ADAMTS3: variants seen among roughly 807,000 people sequenced by gnomAD.
ADAMTS3 encodes the protein ADAM metallopeptidase with thrombospondin type 1 motif 3, also known as A disintegrin and metalloproteinase with thrombospondin motifs 3.
Under a neutral mutation model 129.0 loss-of-function variants are expected in ADAMTS3, and 73 were observed. The ratio of observed to expected loss-of-function variants is 0.57; its 90% confidence interval spans 0.47 to 0.69. The LOEUF is 0.69. Ranked by LOEUF, ADAMTS3 falls within the 30% of genes least tolerant of loss-of-function variation. The probability of loss-of-function intolerance (pLI) is 0.00; values close to 1 mark genes in which losing one functional copy is unlikely to be tolerated. For missense variants in ADAMTS3, 1,457 were observed against 1,514.5 expected (o/e 0.96, Z 0.63); for synonymous variants, 477 against 510.8 (o/e 0.93, Z 0.89).
In ADAMTS3 at chr4:72,391,978, C is replaced by T. The variant is rs532878836; in HGVS notation, c.661+22837G>A. Among the ~76,000 whole-genome samples the T allele has an allele frequency of 3.6e-4, 55 of 152,276 alleles. No homozygotes were observed. The South Asian group carries it at 0.011, about 31-fold the overall frequency. ...CGCTATTTTTACAATTTAAAAAATG[C>T]TGTACTTTTACTCTTTCTCTTAAAA... On this transcript the variant is annotated intron_variant, in intron 4 of 21. Transcript: ENST00000286657.
At chr4:72,399,445 A>T (rs1721817590) in intron 4 of ADAMTS3, among the ~76,000 whole-genome samples, 1 of 152,062 alleles carries the variant, frequency 6.6e-6, no homozygotes, top group Non-Finnish European at 1.5e-5. Flanking sequence ...AAAAGAAAAA[A>T]TTATTTTTCT....
intron 4 of ADAMTS3, among the ~76,000 whole-genome samples, chr4:72,367,437 T>TA (rs1282999012): frequency 1.3e-5 from 2 of 152,094 alleles, no homozygotes; most frequent in Non-Finnish European, 1.5e-5. Context: ...TTGTGTATTA[T>TA]AAAAAGCACC....
intron 1 of ADAMTS3, among the ~76,000 whole-genome samples, chr4:72,567,790 T>A (rs1211930128): frequency 1.3e-5 from 2 of 152,194 alleles, no homozygotes; most frequent in Non-Finnish European, 2.9e-5. Flanking sequence ...AACTAGACAA[T>A]TCTCTACTTT....
At chr4:72,516,006 T>C (rs546756083) in intron 3 of ADAMTS3, among the ~76,000 whole-genome samples, 55 of 152,334 alleles carry the variant, frequency 3.6e-4, no homozygotes, top group African/African-American at 1.2e-3. Context: ...CTTGAATTAA[T>C]TTTTGTATAA....
intron 5 of ADAMTS3, among the ~76,000 whole-genome samples, chr4:72,325,004 T>C (rs557854714): frequency 7.9e-5 from 12 of 152,176 alleles, no homozygotes; most frequent in Admixed American, 7.9e-4. Context: ...TAATATCTCA[T>C]AGGGTTAGGG....
chr4:72,330,253 A>G (rs1719811500), intron 5 of ADAMTS3, among the ~76,000 whole-genome samples: 1 of 152,050 alleles, frequency 6.6e-6, no homozygotes, highest in Non-Finnish European at 1.5e-5. Flanking sequence ...TCCTGACCTC[A>G]GGTAACCCAC....
intron 2 of ADAMTS3, among the ~76,000 whole-genome samples, chr4:72,563,638 G>A (rs1721957069): frequency 1.3e-5 from 2 of 152,312 alleles, no homozygotes; most frequent in South Asian, 4.1e-4. Flanking sequence ...TGGGGTGGAA[G>A]AGGAGTCCCA....
chr4:72,322,537 T>C (rs957744315), intron 6 of ADAMTS3, among the ~76,000 whole-genome samples: 1 of 152,192 alleles, frequency 6.6e-6, no homozygotes, highest in African/African-American at 2.4e-5. Context: ...GAAAGATATA[T>C]GTATATAAAA....
chr4:72,464,576 T>C (rs1718868237), intron 3 of ADAMTS3, among the ~76,000 whole-genome samples: 1 of 152,042 alleles, frequency 6.6e-6, no homozygotes, highest in Non-Finnish European at 1.5e-5. Context: ...ATTGAACATT[T>C]ACTCTGTGTT....
Position 72,290,958 on chromosome 4 carries a change from C to T in ADAMTS3, c.2828G>A (p.Arg943His), listed in dbSNP as rs149118364. The T allele has an allele frequency of 5.8e-4, 930 of 1,613,996 alleles. 1 individual carries two copies. Among genetic ancestry groups the T allele is most frequent in the South Asian group, 1.2e-3 (109 of 91,078 alleles). The part of the protein sequence containing the change: ...CLQPLLDGTN[R>H]SVHSKYCMGD... Reference sequence around the variant, plus strand: ...CATGCAGTATTTGCTGTGCACAGAGCGGTTGGTGCCATCAAGGAGTGGCTG... The same window carrying T: ...CATGCAGTATTTGCTGTGCACAGAGTGGTTGGTGCCATCAAGGAGTGGCTG... The change falls in exon 20 of 22, where the codon CGC becomes CAC. Residue 943 changes from arginine to histidine, a missense_variant. Transcript: ENST00000286657.
intron 3 of ADAMTS3, among the ~76,000 whole-genome samples, chr4:72,476,104 G>T (rs546913268): frequency 3.3e-5 from 5 of 151,526 alleles, no homozygotes; most frequent in Non-Finnish European, 7.4e-5. Context: ...TAAGTAGAAA[G>T]AAGTAAATAA....
At position 72,387,116 on chromosome 4, in the gene ADAMTS3, G is replaced by A. The variant is rs148016794; in HGVS notation, c.661+27699C>T. Among the ~76,000 whole-genome samples the A allele has an allele frequency of 7.9e-3, 1,196 of 152,290 alleles. 21 individuals are homozygous for A. The highest frequency in any genetic ancestry group is 0.027 in the African/African-American group (1,134 of 41,558). ...GTAGACATTATCAAAGCAAATCACT[G>A]ATTAGAATTTGTTTTTTACATTCTG... On this transcript the variant is annotated intron_variant, in intron 4 of 21. Coordinates refer to ENST00000286657, the MANE Select transcript of ADAMTS3 (RefSeq NM_014243.3).
intron 4 of ADAMTS3, 74 bp downstream of exon 4, chr4:72,414,741 T>G: frequency 8.7e-7 from 1 of 1,155,202 alleles, no homozygotes; most frequent in Non-Finnish European, 1.1e-6. Context: ...TCACATTCTC[T>G]TACTTGATGG....
rs116543999 is a variant in ADAMTS3 at position 72,458,351 on chromosome 4, G to A, written c.505-43380C>T. Among the ~76,000 whole-genome samples the A allele has an allele frequency of 9.0e-3, 1,357 of 151,004 alleles. 15 individuals carry two copies. The highest frequency in any genetic ancestry group is 0.032 in the African/African-American group (1,301 of 41,250). On this transcript the variant is annotated intron_variant, in intron 3 of 21. Coordinates refer to ENST00000286657, the MANE Select transcript of ADAMTS3 (RefSeq NM_014243.3). The stretch of plus-strand genomic sequence containing the variant: ...ATGCAACTAAAGAATAAGCAATCAC[G>A]ATGTTAATTAAAAAAAAAGTCCATG...
chr4:72,313,170 G>C (rs1719291393), intron 12 of ADAMTS3, among the ~76,000 whole-genome samples: 1 of 152,132 alleles, frequency 6.6e-6, no homozygotes, highest in Admixed American at 6.5e-5. Context: ...AAAGATTGCT[G>C]AGCACACAAT....
At chr4:72,369,578 G>A (rs941657752) in intron 4 of ADAMTS3, among the ~76,000 whole-genome samples, 1 of 152,130 alleles carries the variant, frequency 6.6e-6, no homozygotes, top group African/African-American at 2.4e-5. Context: ...AGGCATGGTA[G>A]TGGGAGCCTG....
Position 72,431,283 on chromosome 4 carries a change from T to C in ADAMTS3, c.505-16312A>G, listed in dbSNP as rs147179445. 6.1e-3 allele frequency among the ~76,000 whole-genome samples: 925 copies of C among 152,094 alleles called. 4 individuals are homozygous for C. Among genetic ancestry groups the C allele is most frequent in the African/African-American group, 0.021 (883 of 41,520 alleles). On this transcript the variant is annotated intron_variant, in intron 3 of 21. Transcript: ENST00000286657. ...TGGGGTCATTCAGTGTTCCAGGAAC[T>C]GCGGATAATACGTGAGGAGCATGAC... is the stretch of plus-strand genomic sequence containing the variant.
intron 5 of ADAMTS3, among the ~76,000 whole-genome samples, chr4:72,334,888 A>G (rs1259493306): frequency 6.6e-6 from 1 of 152,068 alleles, no homozygotes; most frequent in Non-Finnish European, 1.5e-5. Flanking sequence ...AAGCTTGGTG[A>G]AATGTCAAGA....
chr4:72,403,112 G>A (rs1304513348), intron 4 of ADAMTS3, among the ~76,000 whole-genome samples: 1 of 152,044 alleles, frequency 6.6e-6, no homozygotes, highest in Non-Finnish European at 1.5e-5. Context: ...GTAAGAAACT[G>A]CCATCATGTT....
Sources: allele counts gnomAD v4.1 joint callset (sites outside exome capture counted in the v4.1 genomes callset), GRCh38; gene constraint gnomAD v4.1.1; transcripts MANE v1.5; gene names NCBI Gene and HGNC (gene_info 2026-07-23, HGNC 2026-07-21).